The following CLTCL1 variants were observed in gnomAD, a reference collection of about 807,000 sequenced individuals.
CLTCL1 encodes clathrin heavy chain like 1.
A neutral mutation model predicts 190.0 loss-of-function variants in CLTCL1; 159 were observed. The observed-to-expected ratio is 0.84, with a 90% confidence interval of 0.74 to 0.95. The LOEUF is 0.95. Ranked by LOEUF, CLTCL1 falls within the 40% of genes least tolerant of loss-of-function variation. CLTCL1 has a pLI of 0.00. For missense variants in CLTCL1, 1,878 were observed against 2,033.4 expected (o/e 0.92, Z 1.47); for synonymous variants, 752 against 769.6 (o/e 0.98, Z 0.38).
At chr22:19,215,320 C>T (rs1043886410) in intron 19 of CLTCL1, among the ~76,000 whole-genome samples, 2 of 152,240 alleles carry the variant, frequency 1.3e-5, no homozygotes, top group African/African-American at 2.4e-5. Flanking sequence ...GATAGCCTTT[C>T]TGGCCTACAA....
rs1685473238 is a variant in CLTCL1, at chr22:19,257,941, C to T, written c.251-3714G>A. On this transcript the variant is annotated intron_variant, in intron 2 of 32. Coordinates refer to ENST00000427926, the MANE Select transcript of CLTCL1 (RefSeq NM_007098.4). ...CCACTGAGAAGCTGATGGCTCAGAT[C>T]TTTGCAAATTCTGTGGACAATGCCT... 6.1e-6 allele frequency: 6 copies of T among 981,740 alleles called. No homozygotes were observed. In the Admixed American group the frequency reaches 9.7e-5, roughly 16 times the overall value. 60.8% of individuals were successfully genotyped at this position (981,740 alleles called of 1,614,324 possible). A position where few individuals can be genotyped will look rare whatever the true frequency, so the allele number is the denominator to read the frequency against.
At chr22:19,246,633 C>T (rs2086429430) in intron 3 of CLTCL1, among the ~76,000 whole-genome samples, 1 of 152,100 alleles carries the variant, frequency 6.6e-6, no homozygotes, top group Admixed American at 6.6e-5. Context: ...TGCACCACCA[C>T]ACCCGGCTAA....
At chr22:19,268,443 A>G (rs535896238) in intron 2 of CLTCL1, among the ~76,000 whole-genome samples, 1 of 152,376 alleles carries the variant, frequency 6.6e-6, no homozygotes, top group Admixed American at 6.5e-5. Context: ...ATATATGTAA[A>G]TCACATAGCT....
intron 29 of CLTCL1, chr22:19,184,490 C>T (rs1054967386): frequency 3.7e-5 from 17 of 455,928 alleles, no homozygotes; most frequent in East Asian, 2.1e-4. Flanking sequence ...AAGTCTCCCC[C>T]GCTGGCATGC....
chr22:19,204,207 A>G (rs1555941503), intron 22 of CLTCL1, among the ~76,000 whole-genome samples: 1 of 152,086 alleles, frequency 6.6e-6, no homozygotes, highest in Non-Finnish European at 1.5e-5. Flanking sequence ...GAGAAGCCAG[A>G]GTCCTGATGA....
At chr22:19,186,343 G>C (rs2084314525) in intron 29 of CLTCL1, among the ~76,000 whole-genome samples, 1 of 151,960 alleles carries the variant, frequency 6.6e-6, no homozygotes, top group African/African-American at 2.4e-5. Context: ...CCCCCGCGGG[G>C]AGATGTTCAG....
intron 1 of CLTCL1, among the ~76,000 whole-genome samples, chr22:19,288,619 T>C (rs1286489182): frequency 6.6e-6 from 1 of 152,254 alleles, no homozygotes; most frequent in Non-Finnish European, 1.5e-5. Flanking sequence ...CCACATTCAG[T>C]GCCTTCAGTT....
chr22:19,274,674 A>G (rs5748092), intron 2 of CLTCL1, among the ~76,000 whole-genome samples: 1 of 152,066 alleles, frequency 6.6e-6, no homozygotes, highest in African/African-American at 2.4e-5. Context: ...AGGCAAAGCT[A>G]ATATTTGGCA....
rs948333632 is a variant in CLTCL1, at chr22:19,269,278, T to C, written c.250+6345A>G. Among the ~76,000 whole-genome samples the C allele has an allele frequency of 2.0e-5, 3 of 151,820 alleles. No homozygotes were observed. The South Asian group carries it at 6.2e-4, about 32-fold the overall frequency. ...AGCCAAGCGCAATGGCAGGTGCCTG[T>C]AATCCCAGCTACTTGGGAGGCTGAG... On this transcript the variant is annotated intron_variant, in intron 2 of 32. Transcript: ENST00000427926.
intron 5 of CLTCL1, among the ~76,000 whole-genome samples, chr22:19,237,510 T>C (rs1049828408): frequency 6.6e-6 from 1 of 152,152 alleles, no homozygotes; most frequent in African/African-American, 2.4e-5. Flanking sequence ...GGAGAGTCTG[T>C]GATGAGAGTG....
At position 19,229,966 on chromosome 22, in the gene CLTCL1, T is replaced by C. The variant is rs2093103331; in HGVS notation, c.1654A>G (p.Ile552Val). The change falls in exon 11 of 33, where the codon ATT becomes GTT. Residue 552 changes from isoleucine (I) to valine (V), a missense_variant. Ile to Val is a conservative substitution (Grantham distance 29). Transcript: ENST00000427926. Reference sequence around the variant, plus strand: ...TGAATTAAACTGTTTTCCATGAAAATGTCCACAATCTGAAACATATCCAAG... The same window carrying C: ...TGAATTAAACTGTTTTCCATGAAAACGTCCACAATCTGAAACATATCCAAG... ...PLANISQIVD[I>V]FMENSLIQQC... is the part of the protein sequence containing the mutation. The C allele has an allele frequency of 3.7e-6, 6 of 1,607,646 alleles. No individual in the cohort carries two copies. Among genetic ancestry groups the C allele is most frequent in the Non-Finnish European group, 5.1e-6 (6 of 1,177,242 alleles).
chr22:19,198,590 G>A lies in CLTCL1; in HGVS notation c.3873+1144C>T, dbSNP rs990507994. Among the ~76,000 whole-genome samples, 4 of 152,036 alleles carry A rather than the reference G, an allele frequency of 2.6e-5. No individual in the cohort carries two copies. Among genetic ancestry groups the A allele is most frequent in the African/African-American group, 9.7e-5 (4 of 41,372 alleles). ...TGACCCTTCCCTCAAATGTTCCCAT[G>A]ACCAAATCCTTCCATTTCTTCAGGT... On this transcript the variant is annotated intron_variant, in intron 24 of 32. Coordinates refer to ENST00000427926, the MANE Select transcript of CLTCL1 (RefSeq NM_007098.4). The surrounding 1 kb of genome is among the most constrained non-coding windows in gnomAD (Gnocchi z 4.1).
intron 5 of CLTCL1, among the ~76,000 whole-genome samples, chr22:19,237,398 A>G (rs1383106110): frequency 6.6e-6 from 1 of 152,158 alleles, no homozygotes; most frequent in Non-Finnish European, 1.5e-5. Flanking sequence ...TGATACATCA[A>G]TTCTGCCTTG....
Position 19,216,228 on chromosome 22 carries a change from C to T in CLTCL1, c.2948G>A (p.Arg983Gln), listed in dbSNP as rs782197799. The change falls in exon 19 of 33, where the codon CGG (arginine) becomes CAG (glutamine). Residue 983 changes from arginine to glutamine, a missense_variant. Arg to Gln is a conservative substitution (Grantham distance 43). Coordinates refer to ENST00000427926, the MANE Select transcript of CLTCL1 (RefSeq NM_007098.4). ...QVVQTALSET[R>Q]DPEEISVTVK... ...AGTGACCGAAATCTCTTCAGGATCC[C>T]GTGTTTCTGACAATGCTGTCTGTAC... is the stretch of plus-strand genomic sequence containing the variant. 45 of 1,613,770 alleles carry T rather than the reference C, an allele frequency of 2.8e-5. No homozygotes were observed. The highest frequency in any genetic ancestry group is 5.3e-5 in the African/African-American group (4 of 74,880).
At chr22:19,190,937 C>T (rs543515676) in intron 27 of CLTCL1, among the ~76,000 whole-genome samples, 1 of 152,236 alleles carries the variant, frequency 6.6e-6, no homozygotes, top group East Asian at 1.9e-4. Context: ...ACCACCACGC[C>T]CAGCTAATTT....
chr22:19,191,239 C>G (rs1387979944), intron 27 of CLTCL1, 65 bp downstream of exon 27: 2 of 1,589,980 alleles, frequency 1.3e-6, no homozygotes, highest in Non-Finnish European at 1.7e-6. Flanking sequence ...AAGGTGCTAT[C>G]ATTCAGATGA....
rs113630442 is a variant in CLTCL1, at chr22:19,267,069, C to T, written c.250+8554G>A. 2.9e-3 allele frequency among the ~76,000 whole-genome samples: 435 copies of T among 152,144 alleles called. 5 individuals carry two copies. Among genetic ancestry groups the T allele is most frequent in the East Asian group, 0.019 (97 of 5,188 alleles). ...CTGTCTATTCACAGATAACATGATA[C>T]AGTATGTAGAAAATGCCAAGGAATC... On this transcript the variant is annotated intron_variant, in intron 2 of 32. Transcript: ENST00000427926.
At chr22:19,261,065 G>A (rs1356094461) in intron 2 of CLTCL1, among the ~76,000 whole-genome samples, 1 of 151,932 alleles carries the variant, frequency 6.6e-6, no homozygotes, top group African/African-American at 2.4e-5. Flanking sequence ...TCTGCAATCC[G>A]TGGATCAAAG....
At position 19,226,322 on chromosome 22, in the gene CLTCL1, T is replaced by C. The variant is rs1415577246; in HGVS notation, c.1844A>G (p.Gln615Arg). The C allele has an allele frequency of 3.1e-6, 5 of 1,613,954 alleles. No homozygotes were observed. The African/African-American group carries it at 6.7e-5, about 22-fold the overall frequency. Reference sequence around the variant, plus strand: ...CAGGAGGCCTGCCTTCTCACAGAGCTGGGCAATGTGGGCCCGGTCGTAATG... The same window carrying C: ...CAGGAGGCCTGCCTTCTCACAGAGCCGGGCAATGTGGGCCCGGTCGTAATG... Reference protein sequence around the residue: ...FTHYDRAHIAQLCEKAGLLQQ... With the variant: ...FTHYDRAHIARLCEKAGLLQQ... The change falls in exon 12 of 33, where the codon CAG becomes CGG. Residue 615 changes from glutamine (Q) to arginine (R), a missense_variant. Physicochemically the swap from Gln to Arg is conservative, Grantham distance 43. Coordinates refer to ENST00000427926, the MANE Select transcript of CLTCL1 (RefSeq NM_007098.4).
Sources: gnomAD v4.1 joint callset for allele counts (sites outside exome capture counted in the v4.1 genomes callset) on GRCh38, gnomAD v4.1.1 for gene constraint, Gnocchi (gnomAD v3.1) non-coding constraint, MANE v1.5 for transcripts, NCBI Gene and HGNC (gene_info 2026-07-23, HGNC 2026-07-21) for gene names.